TANGO2: variants seen among roughly 807,000 people sequenced by gnomAD.
The protein encoded by TANGO2 is transport and Golgi organization protein 2 homolog.
TANGO2 carries 26 observed loss-of-function variants against 39.1 expected under a neutral mutation model. The ratio of observed to expected loss-of-function variants is 0.67; its 90% CI spans 0.49 to 0.92. The LOEUF is 0.92. TANGO2 is among the 40% of genes least tolerant of loss of function. The probability of loss-of-function intolerance (pLI) is 0.00; values close to 1 mark genes in which losing one functional copy is unlikely to be tolerated. For missense variants in TANGO2, 326 were observed against 360.1 expected, an observed-to-expected ratio of 0.91 and a Z score of 0.77; for synonymous variants, 131 against 144.5, an observed-to-expected ratio of 0.91 and a Z score of 0.67.
intron 5 of TANGO2, 181 bp downstream of exon 5, chr22:20,053,732 TG>T (rs777756631): frequency 1.6e-6 from 1 of 642,662 alleles, no homozygotes. Flanking sequence ...CTCGGGTATT[TG>T]GGGGTGAAGC....
chr22:20,032,498 G>A (rs1387183563), intron 1 of TANGO2, among the ~76,000 whole-genome samples: 1 of 152,268 alleles, frequency 6.6e-6, no homozygotes, highest in Non-Finnish European at 1.5e-5. Flanking sequence ...TCTTCCTCCA[G>A]CTGCTCTTTG....
chr22:20,018,569 T>G (rs1243762717), upstream of TANGO2, among the ~76,000 whole-genome samples: 1 of 152,010 alleles, frequency 6.6e-6, no homozygotes, highest in Non-Finnish European at 1.5e-5. Context: ...GTTGAAAGAG[T>G]GCAAAAGACA....
At chr22:20,043,117 G>A (rs1236609832) in intron 2 of TANGO2, among the ~76,000 whole-genome samples, 4 of 152,160 alleles carry the variant, frequency 2.6e-5, no homozygotes, top group African/African-American at 9.6e-5. Flanking sequence ...TGGTGTGGAT[G>A]TGTGTCCCTG....
rs1032933629 is a variant in TANGO2, at chr22:20,066,138, A to T, written c.*1476A>T. Reference sequence around the variant, plus strand: ...GCGTGGGATGTGGTAGATGCTGATTATGGGGCCAGCCACCCATACAGGTCT... The same window carrying T: ...GCGTGGGATGTGGTAGATGCTGATTTTGGGGCCAGCCACCCATACAGGTCT... On this transcript the variant is annotated 3_prime_UTR_variant, in exon 9 of 9. Coordinates refer to ENST00000327374, the MANE Select transcript of TANGO2 (RefSeq NM_152906.7). 3.7e-4 allele frequency: 56 copies of T among 152,246 alleles called. No individual in the cohort carries two copies. Among genetic ancestry groups the T allele is most frequent in the African/African-American group, 1.3e-3 (52 of 41,422 alleles). 9.4% of individuals were successfully genotyped at this position (152,246 alleles called of 1,614,324 possible).
chr22:20,056,650 A>T (rs2039027471), intron 6 of TANGO2: 1 of 456,468 alleles, frequency 2.2e-6, no homozygotes, highest in South Asian at 1.5e-5. Flanking sequence ...ACCTGGAGAG[A>T]ATGTGTCACA....
intron 3 of TANGO2, among the ~76,000 whole-genome samples, chr22:20,046,514 G>C (rs1250185709): frequency 6.8e-6 from 1 of 147,960 alleles, no homozygotes; most frequent in African/African-American, 2.5e-5. Flanking sequence ...GCTTAGGCTG[G>C]AGTGCAATGG....
Position 20,055,929 on chromosome 22 carries a change from C to T in TANGO2, c.381-14C>T. On this transcript the variant is annotated splice_polypyrimidine_tract_variant and intron_variant, in intron 5 of 8. Transcript: ENST00000327374. ...TATGGCTGTAGTCTGACATTCTCTC[C>T]CCTTGGCCTGCAGCACAGCAAAGGG... 5.0e-6 allele frequency: 8 copies of T among 1,611,438 alleles called. No individual in the cohort carries two copies. The highest frequency in any genetic ancestry group is 6.8e-6 in the Non-Finnish European group (8 of 1,177,640).
At chr22:20,053,398 C>A in intron 4 of TANGO2, 39 bp from the exon 5 acceptor site, 1 of 1,416,566 alleles carries the variant, frequency 7.1e-7, no homozygotes, top group Non-Finnish European at 1.0e-6. Flanking sequence ...AGAGCACATG[C>A]CTGCAGCTGT....
intron 1 of TANGO2, among the ~76,000 whole-genome samples, chr22:20,030,222 C>T (rs1402748397): frequency 6.8e-6 from 1 of 147,752 alleles, no homozygotes; most frequent in Non-Finnish European, 1.5e-5. Context: ...GGCTGGAGTG[C>T]AATGGCACGA....
chr22:20,026,770 C>T (rs916154379), intron 1 of TANGO2, among the ~76,000 whole-genome samples: 8 of 152,210 alleles, frequency 5.3e-5, no homozygotes, highest in African/African-American at 1.4e-4. Context: ...CCCATAAAAC[C>T]CTGGCGGGAA....
chr22:20,018,845 C>T (rs1312722371), upstream of TANGO2, among the ~76,000 whole-genome samples: 3 of 152,112 alleles, frequency 2.0e-5, no homozygotes, highest in Non-Finnish European at 4.4e-5. Flanking sequence ...TTTGGGAGGC[C>T]AAGGCAGGCA....
At chr22:20,058,381 G>A (rs894174589) in intron 6 of TANGO2, 2 of 152,138 alleles carry the variant, frequency 1.3e-5, no homozygotes, top group African/African-American at 2.4e-5. Flanking sequence ...GGTGGCTGAC[G>A]CCTGTAATCC....
intron 6 of TANGO2, chr22:20,056,435 C>T (rs1286661975): frequency 3.0e-5 from 14 of 462,872 alleles, no homozygotes; most frequent in African/African-American, 1.6e-4. Flanking sequence ...CACAGATGCA[C>T]GCCTCCTGCA....
Position 20,062,265 on chromosome 22 carries a change from G to T in TANGO2, c.605+582G>T, listed in dbSNP as rs571762814. ...TGGGGTCTTCGTTGCCCCAGCCGGG[G>T]GTCCTGGTGCTTGCCATGCCAGCCT... is the stretch of plus-strand genomic sequence containing the variant. On this transcript the variant is annotated intron_variant, in intron 7 of 8. Transcript: ENST00000327374. 4.6e-5 allele frequency among the ~76,000 whole-genome samples: 7 copies of T among 152,272 alleles called. No homozygotes were observed. In the South Asian group the frequency reaches 1.5e-3, roughly 32 times the overall value.
Position 20,023,445 on chromosome 22 carries a change from C to G in TANGO2, c.-40+2199C>G, listed in dbSNP as rs772553136. On this transcript the variant is annotated intron_variant, in intron 1 of 8. Coordinates refer to ENST00000327374, the MANE Select transcript of TANGO2 (RefSeq NM_152906.7). ...AGAGCTTGCTGTCTGCTCACGATGC[C>G]TCTTGTTTGTGCTATTCCTTGGAAC... Among the ~76,000 whole-genome samples, 9 of 152,328 alleles carry G rather than the reference C, an allele frequency of 5.9e-5. No homozygotes were observed. The South Asian group carries it at 1.9e-3, about 32-fold the overall frequency.
chr22:20,029,455 A>T (rs2041420103), intron 1 of TANGO2, among the ~76,000 whole-genome samples: 1 of 152,196 alleles, frequency 6.6e-6, no homozygotes. Flanking sequence ...CCAGGTTGTT[A>T]GGCTAGGGGA....
chr22:20,039,675 G>A (rs991397988), intron 2 of TANGO2, among the ~76,000 whole-genome samples: 1 of 151,796 alleles, frequency 6.6e-6, no homozygotes, highest in Non-Finnish European at 1.5e-5. Flanking sequence ...ACAGCCCCAC[G>A]TGATGCCACT....
At chr22:20,028,176 A>G (rs757521717) in intron 1 of TANGO2, among the ~76,000 whole-genome samples, 2 of 152,128 alleles carry the variant, frequency 1.3e-5, no homozygotes, top group Non-Finnish European at 2.9e-5. Flanking sequence ...CAGTGACATG[A>G]TCATAATTCA....
intron 3 of TANGO2, among the ~76,000 whole-genome samples, chr22:20,047,715 C>T (rs1045435184): frequency 3.4e-4 from 52 of 152,168 alleles, no homozygotes; most frequent in African/African-American, 1.2e-3. Flanking sequence ...TAATCATGGG[C>T]TCACTTTGTT....
Sources: gnomAD v4.1 joint callset for allele counts (sites outside exome capture counted in the v4.1 genomes callset) on GRCh38, gnomAD v4.1.1 for gene constraint, MANE v1.5 for transcripts, NCBI Gene and HGNC (gene_info 2026-07-23, HGNC 2026-07-21) for gene names.